PRMT1: variants seen among roughly 807,000 people sequenced by gnomAD.
PRMT1 encodes the protein protein arginine methyltransferase 1, also known as protein arginine N-methyltransferase 1.
Under a neutral mutation model 47.4 loss-of-function variants are expected in PRMT1, and 5 were observed. That is an observed-to-expected ratio of 0.11 (90% confidence interval 0.06 to 0.22). PRMT1 has a LOEUF of 0.22. PRMT1 is among the 10% of genes least tolerant of loss of function. PRMT1 has a pLI of 1.00. For missense variants in PRMT1, 249 were observed against 518.4 expected, an observed-to-expected ratio of 0.48 and a Z score of 5.05; for synonymous variants, 227 against 204.6, an observed-to-expected ratio of 1.11 and a Z score of -0.94.
Position 49,685,698 on chromosome 19 carries a change from AC to A in PRMT1, c.760-392del. ...CAGGGGCAGGGACCCCACTCGGGCC[AC>A]CCTCCTGAGAGCCAGGGGAACTGGC... On this transcript the variant is annotated intron_variant, in intron 8 of 10. Transcript: ENST00000454376. The surrounding 1 kb of genome is among the most constrained non-coding windows in gnomAD (Gnocchi z 4.7). 2 of 1,041,886 alleles carry A rather than the reference AC, an allele frequency of 1.9e-6. No individual in the cohort carries two copies. The highest frequency in any genetic ancestry group is 4.7e-4 in the Middle Eastern group (1 of 2,146). The allele number at this position is 1,041,886 out of a possible 1,614,324, so 64.5% of individuals were successfully genotyped here.
In PRMT1 at chr19:49,684,576, T is replaced by A. The variant is rs934570296; in HGVS notation, c.556-178T>A. Among the ~76,000 whole-genome samples, 1 of 152,166 alleles carries A rather than the reference T, an allele frequency of 6.6e-6. No homozygotes were observed. Among genetic ancestry groups the A allele is most frequent in the South Asian group, 2.1e-4 (1 of 4,822 alleles). On this transcript the variant is annotated intron_variant, in intron 6 of 10. Coordinates refer to ENST00000454376, the MANE Select transcript of PRMT1 (RefSeq NM_001536.6). This position sits in a 1 kb window ranked among gnomAD's most constrained non-coding sequence, Gnocchi z 6.2. ...GAACCTCCAAGGGCCGGGAGCTGAC[T>A]GGGGTGCCCCTGGGTGCCCTCTGGC... is the stretch of plus-strand genomic sequence containing the variant.
Position 49,677,276 on chromosome 19 carries a change from T to A in PRMT1, c.-5T>A. On this transcript the variant is annotated 5_prime_UTR_variant, in exon 1 of 11. Transcript: ENST00000454376. ...CGGCCGGAGGAGGAGTAGGTGCGGG[T>A]GAAGATGGCGGCAGCCGAGGCCGCG... 7.1e-7 allele frequency: 1 copy of A among 1,414,690 alleles called. No homozygotes were observed. Among genetic ancestry groups the A allele is most frequent in the Non-Finnish European group, 9.3e-7 (1 of 1,080,884 alleles). The allele number at this position is 1,414,690 out of a possible 1,614,324, so 87.6% of individuals were successfully genotyped here. A position where few individuals can be genotyped will look rare whatever the true frequency, so the allele number is the denominator to read the frequency against.
At chr19:49,677,576 GC>G in intron 1 of PRMT1, 1 of 373,062 alleles carries the variant, frequency 2.7e-6, no homozygotes, top group Non-Finnish European at 4.8e-6. Flanking sequence ...TTCCGGCCAG[GC>G]CCCCACGTGG....
chr19:49,680,383 T>G lies in PRMT1; in HGVS notation c.91-104T>G, dbSNP rs577849376. 6.1e-6 allele frequency: 7 copies of G among 1,144,652 alleles called. No homozygotes were observed. The African/African-American group carries it at 1.1e-4, about 18-fold the overall frequency. The allele number at this position is 1,144,652 out of a possible 1,614,324, so 70.9% of individuals were successfully genotyped here. ...CTGTAGGGTTGTCATGGTATGATTT[T>G]GGGGGTTCTATACTACTCTTCAGGG... On this transcript the variant is annotated intron_variant, in intron 2 of 10. Transcript: ENST00000454376. This position sits in a 1 kb window ranked among gnomAD's most constrained non-coding sequence, Gnocchi z 4.2.
At position 49,683,410 on chromosome 19, in the gene PRMT1, C is replaced by T. The variant is rs529156318; in HGVS notation, c.413-517C>T. Among the ~76,000 whole-genome samples the T allele has an allele frequency of 1.8e-4, 27 of 151,932 alleles. No homozygotes were observed. In the East Asian group the frequency reaches 2.3e-3, roughly 13 times the overall value. On this transcript the variant is annotated intron_variant, in intron 5 of 10. Coordinates refer to ENST00000454376, the MANE Select transcript of PRMT1 (RefSeq NM_001536.6). ...ACCCAGTTAAAAACAAAATCGCGGC[C>T]GGGCACAGTGGCTCACGCCTGTAAT...
At position 49,680,721 on chromosome 19, in the gene PRMT1, A is replaced by T. The variant is rs899918368; in HGVS notation, c.192+133A>T. On this transcript the variant is annotated intron_variant, in intron 3 of 10. Coordinates refer to ENST00000454376, the MANE Select transcript of PRMT1 (RefSeq NM_001536.6). This position sits in a 1 kb window ranked among gnomAD's most constrained non-coding sequence, Gnocchi z 4.2. ...CCGCCCCCCTGCCCCTCTGCTGCGC[A>T]CTTCCTAGGGTCGCCTCGCCAAGCC... is the stretch of plus-strand genomic sequence containing the variant. The T allele has an allele frequency of 1.4e-6, 1 of 723,630 alleles. No individual in the cohort carries two copies. Among genetic ancestry groups the T allele is most frequent in the Non-Finnish European group, 2.3e-6 (1 of 433,208 alleles). 44.8% of individuals were successfully genotyped at this position (723,630 alleles called of 1,614,324 possible).
rs756632988 is a variant in PRMT1, at chr19:49,679,922, A to C, written c.87A>C (p.Glu29Asp). The C allele has an allele frequency of 1.9e-6, 3 of 1,611,686 alleles. No homozygotes were observed. The highest frequency in any genetic ancestry group is 2.2e-5 in the South Asian group (2 of 90,748). Residue 29 changes from glutamate to aspartate, a missense_variant, in exon 2 of 11, where the codon GAA becomes GAC. Transcript: ENST00000454376. The stretch of plus-strand genomic sequence containing the variant: ...GGATGAGCCTCCAGCCGCCTCTTGA[A>C]GAAGTAAATATCCTTTTGTGAGACC... ...ANGMSLQPPLEEVSCGQAESS... is the reference protein window; with the variant it reads ...ANGMSLQPPLDEVSCGQAESS...
In PRMT1 at chr19:49,685,700, C is replaced by T; in HGVS notation, c.760-393C>T. ...GGGGCAGGGACCCCACTCGGGCCACCCTCCTGAGAGCCAGGGGAACTGGCG... is the reference window on the plus strand; with the variant it reads ...GGGGCAGGGACCCCACTCGGGCCACTCTCCTGAGAGCCAGGGGAACTGGCG... On this transcript the variant is annotated intron_variant, in intron 8 of 10. Coordinates refer to ENST00000454376, the MANE Select transcript of PRMT1 (RefSeq NM_001536.6). This position sits in a 1 kb window ranked among gnomAD's most constrained non-coding sequence, Gnocchi z 4.7. The T allele has an allele frequency of 4.8e-6, 5 of 1,043,242 alleles. No homozygotes were observed. The highest frequency in any genetic ancestry group is 5.8e-6 in the Non-Finnish European group (5 of 865,620). The allele number at this position is 1,043,242 out of a possible 1,614,324, so 64.6% of individuals were successfully genotyped here. A position where few individuals can be genotyped will look rare whatever the true frequency, so the allele number is the denominator to read the frequency against.
At chr19:49,679,953 C>T (rs2082091373) in intron 2 of PRMT1, 28 bp downstream of exon 2, 1 of 1,585,436 alleles carries the variant, frequency 6.3e-7, no homozygotes, top group African/African-American at 1.3e-5. Flanking sequence ...AGACCCCTCC[C>T]CACCCTGACC....
In PRMT1 at chr19:49,680,111, G is replaced by T. The variant is rs560988427; in HGVS notation, c.90+186G>T. ...GCCCCCGCTGGCCTCCCCCAGTATC[G>T]CCGCTACTTCCTTAACTCCACCTCC... On this transcript the variant is annotated intron_variant, in intron 2 of 10. Coordinates refer to ENST00000454376, the MANE Select transcript of PRMT1 (RefSeq NM_001536.6). This position sits in a 1 kb window ranked among gnomAD's most constrained non-coding sequence, Gnocchi z 4.2. 1.8e-6 allele frequency: 2 copies of T among 1,133,562 alleles called. No individual in the cohort carries two copies. The highest frequency in any genetic ancestry group is 2.6e-6 in the Non-Finnish European group (2 of 772,874). The allele number at this position is 1,133,562 out of a possible 1,614,324, so 70.2% of individuals were successfully genotyped here.
chr19:49,683,867 G>A (rs903206433), intron 5 of PRMT1, 60 bp from the exon 6 acceptor site: 1 of 1,571,964 alleles, frequency 6.4e-7, no homozygotes, highest in Non-Finnish European at 8.6e-7. Context: ...GCCCCCGGGG[G>A]AGGTGAGGTG....
Position 49,684,894 on chromosome 19 carries a change from C to A in PRMT1, c.644-28C>A, listed in dbSNP as rs201881531. On this transcript the variant is annotated intron_variant, in intron 7 of 10. Transcript: ENST00000454376. The surrounding 1 kb of genome is among the most constrained non-coding windows in gnomAD (Gnocchi z 6.2). The stretch of plus-strand genomic sequence containing the variant: ...GGGGCCTCGGGTGGGCTGCTGCGGG[C>A]TCACCCCCTCCCTGCCTGCCTCCCC... 3.5e-5 allele frequency: 56 copies of A among 1,606,272 alleles called. No individual in the cohort carries two copies. In the Middle Eastern group the frequency reaches 5.0e-4, roughly 14 times the overall value.
chr19:49,683,631 T>G (rs1046675577), intron 5 of PRMT1: 9 of 240,564 alleles, frequency 3.7e-5, no homozygotes, highest in Non-Finnish European at 7.1e-5. Context: ...GAGGTTGCAG[T>G]GAGCTGAGAT....
rs1285505756 is a variant in PRMT1 at position 49,685,794 on chromosome 19, G to A, written c.760-299G>A. Reference sequence around the variant, plus strand: ...GTTGTTGGACTTGTCAAGGGGTTGGGGAGACAGTGGAGTGGGGCGCCTGCA... The same window carrying A: ...GTTGTTGGACTTGTCAAGGGGTTGGAGAGACAGTGGAGTGGGGCGCCTGCA... On this transcript the variant is annotated intron_variant, in intron 8 of 10. Coordinates refer to ENST00000454376, the MANE Select transcript of PRMT1 (RefSeq NM_001536.6). This position sits in a 1 kb window ranked among gnomAD's most constrained non-coding sequence, Gnocchi z 4.7. The A allele has an allele frequency of 6.6e-6, 8 of 1,213,498 alleles. No homozygotes were observed. The highest frequency in any genetic ancestry group is 4.2e-5 in the Admixed American group (1 of 24,036). The allele number at this position is 1,213,498 out of a possible 1,614,324, so 75.2% of individuals were successfully genotyped here. A position where few individuals can be genotyped will look rare whatever the true frequency, so the allele number is the denominator to read the frequency against.
chr19:49,679,198 TC>T (rs2082079655), intron 1 of PRMT1, among the ~76,000 whole-genome samples: 1 of 152,016 alleles, frequency 6.6e-6, no homozygotes, highest in Non-Finnish European at 1.5e-5. Flanking sequence ...CTTTCTGGAG[TC>T]CTCTCATTCT....
Position 49,680,839 on chromosome 19 carries a change from C to T in PRMT1, c.192+251C>T, listed in dbSNP as rs910882805. On this transcript the variant is annotated intron_variant, in intron 3 of 10. Coordinates refer to ENST00000454376, the MANE Select transcript of PRMT1 (RefSeq NM_001536.6). This position sits in a 1 kb window ranked among gnomAD's most constrained non-coding sequence, Gnocchi z 4.2. ...AGCGCATGCGTGCCTGGGGCCTTAG[C>T]CAGAGGTCGGGCAGGGCCCACTGGT... 1.3e-5 allele frequency among the ~76,000 whole-genome samples: 2 copies of T among 152,234 alleles called. No individual in the cohort carries two copies. The highest frequency in any genetic ancestry group is 2.1e-4 in the South Asian group (1 of 4,836).
Position 49,680,106 on chromosome 19 carries a change from G to A in PRMT1, c.90+181G>A. 1 of 1,106,192 alleles carries A rather than the reference G, an allele frequency of 9.0e-7. No homozygotes were observed. The highest frequency in any genetic ancestry group is 2.6e-5 in the East Asian group (1 of 38,604). 68.5% of individuals were successfully genotyped at this position (1,106,192 alleles called of 1,614,324 possible). ...TCACAGCCCCCGCTGGCCTCCCCCA[G>A]TATCGCCGCTACTTCCTTAACTCCA... is the stretch of plus-strand genomic sequence containing the variant. On this transcript the variant is annotated intron_variant, in intron 2 of 10. Transcript: ENST00000454376. This position sits in a 1 kb window ranked among gnomAD's most constrained non-coding sequence, Gnocchi z 4.2.
intron 10 of PRMT1, among the ~76,000 whole-genome samples, chr19:49,687,522 C>G (rs190934163): frequency 1.3e-5 from 2 of 151,762 alleles, no homozygotes; most frequent in African/African-American, 4.8e-5. Flanking sequence ...CCGCCCCCCC[C>G]CAGGACGTTT....
rs1450119518 is a variant in PRMT1 at position 49,680,393 on chromosome 19, AT to A, written c.91-93del. On this transcript the variant is annotated intron_variant, in intron 2 of 10. Coordinates refer to ENST00000454376, the MANE Select transcript of PRMT1 (RefSeq NM_001536.6). The surrounding 1 kb of genome is among the most constrained non-coding windows in gnomAD (Gnocchi z 4.2). ...GTCATGGTATGATTTTGGGGGTTCT[AT>A]ACTACTCTTCAGGGAAAAGTAGGGC... 1.7e-6 allele frequency: 2 copies of A among 1,188,594 alleles called. No individual in the cohort carries two copies. The highest frequency in any genetic ancestry group is 3.0e-5 in the African/African-American group (2 of 66,154). 73.6% of individuals were successfully genotyped at this position (1,188,594 alleles called of 1,614,324 possible). A position where few individuals can be genotyped will look rare whatever the true frequency, so the allele number is the denominator to read the frequency against.
Sources: gnomAD v4.1 joint callset for allele counts (sites outside exome capture counted in the v4.1 genomes callset) on GRCh38, gnomAD v4.1.1 for gene constraint, Gnocchi (gnomAD v3.1) non-coding constraint, MANE v1.5 for transcripts, NCBI Gene and HGNC (gene_info 2026-07-23, HGNC 2026-07-21) for gene names.